Variants in CAPN3 observed in about 807,000 individuals in gnomAD.
The protein encoded by CAPN3 is calpain-3.
CAPN3 carries 88 observed loss-of-function variants against 114.0 expected under a neutral mutation model. That is an observed-to-expected ratio of 0.77 (90% CI 0.65 to 0.92). CAPN3 has a LOEUF of 0.92. Among genes scored for constraint, CAPN3 ranks in the 40% least tolerant of loss-of-function variants. The pLI is 0.00. For synonymous variants in CAPN3, 386 were observed against 382.9 expected, an observed-to-expected ratio of 1.01 and a Z score of -0.09; for missense variants, 1,028 against 1,069.0, an observed-to-expected ratio of 0.96 and a Z score of 0.53.
chr15:42,406,211 A>G (rs145764418), intron 15 of CAPN3, among the ~76,000 whole-genome samples: 2 of 152,338 alleles, frequency 1.3e-5, no homozygotes, highest in Admixed American at 6.5e-5. Context: ...TACTATAACT[A>G]TCCCCATTTT....
chr15:42,394,951 A>G (rs936630238), intron 8 of CAPN3, among the ~76,000 whole-genome samples: 2 of 152,104 alleles, frequency 1.3e-5, no homozygotes, highest in African/African-American at 4.8e-5. Flanking sequence ...GATTACCTCC[A>G]CTGAATGAGA....
chr15:42,368,216 G>T (rs1028602525), intron 1 of CAPN3, among the ~76,000 whole-genome samples: 1 of 152,224 alleles, frequency 6.6e-6, no homozygotes, highest in Admixed American at 6.5e-5. Context: ...CCACATGCCT[G>T]TTCCCAGCTC....
chr15:42,409,754 T>C (rs768943896), intron 17 of CAPN3, 33 bp from the exon 18 acceptor site: 4 of 1,606,702 alleles, frequency 2.5e-6, no homozygotes, highest in Middle Eastern at 1.6e-4. Flanking sequence ...GCTGTACTCC[T>C]GAACCATGAC....
intron 1 of CAPN3, among the ~76,000 whole-genome samples, chr15:42,375,995 C>T (rs1470617987): frequency 6.6e-6 from 1 of 152,148 alleles, no homozygotes. Context: ...TTAAAGAGTA[C>T]TCGTCAGGTA....
chr15:42,409,679 C>G, intron 17 of CAPN3, 108 bp from the exon 18 acceptor site: 4 of 1,042,748 alleles, frequency 3.8e-6, no homozygotes, highest in Non-Finnish European at 6.1e-6. Flanking sequence ...CATAATAGCA[C>G]CGACAGGGAT....
chr15:42,403,592 C>A (rs1566981459), intron 13 of CAPN3, 149 bp from the exon 14 acceptor site: 3 of 770,220 alleles, frequency 3.9e-6, no homozygotes, highest in Non-Finnish European at 4.7e-6. Flanking sequence ...TGACATGGGG[C>A]TGGTTCCTGG....
At chr15:42,360,506 T>C (rs745537236) in intron 1 of CAPN3, among the ~76,000 whole-genome samples, 2 of 152,228 alleles carry the variant, frequency 1.3e-5, no homozygotes, top group East Asian at 3.8e-4. Context: ...TTATTCATCT[T>C]TGTAAGATTA....
rs2141170446 is a variant in CAPN3 at position 42,390,033 on chromosome 15, G to A, written c.882G>A (p.Met294Ile). 1 of 1,614,044 alleles carries A rather than the reference G, an allele frequency of 6.2e-7. No individual in the cohort carries two copies. Among genetic ancestry groups the A allele is most frequent in the Non-Finnish European group, 8.5e-7 (1 of 1,179,958 alleles). Residue 294 changes from methionine to isoleucine, a missense_variant, in exon 6 of 24, where the codon ATG (methionine) becomes ATA (isoleucine). Transcript: ENST00000397163. ...GELIARMVRN[M>I]DNSLLQDSDL... Reference sequence around the variant, plus strand: ...TGATTGCACGGATGGTAAGGAATATGGATAACTCACTGCTCCAGGACTCAG... The same window carrying A: ...TGATTGCACGGATGGTAAGGAATATAGATAACTCACTGCTCCAGGACTCAG...
chr15:42,410,719 G>A (rs1024497277), intron 21 of CAPN3, 53 bp downstream of exon 21: 252 of 1,487,848 alleles, frequency 1.7e-4, no homozygotes, highest in Middle Eastern at 6.8e-4. Context: ...GTGGGAGCAG[G>A]AATGGGAGGG....
chr15:42,362,250 T>TA (rs1342847073), intron 1 of CAPN3, among the ~76,000 whole-genome samples: 6 of 152,130 alleles, frequency 3.9e-5, no homozygotes, highest in East Asian at 1.9e-4. Flanking sequence ...CCTATCTCTA[T>TA]AAAAAAAGTT....
In CAPN3 at chr15:42,405,952, G is replaced by A. The variant is rs917718272; in HGVS notation, c.1800+9G>A. The A allele has an allele frequency of 2.5e-6, 4 of 1,610,888 alleles. No individual in the cohort carries two copies. In the African/African-American group the frequency reaches 5.3e-5, roughly 22 times the overall value. ...AAAAGAAAAAAACCAAGGTAGGTGT[G>A]TGGGTAGAGAGCATGAAGTGTGTGT... On this transcript the variant is annotated intron_variant, in intron 15 of 23. Transcript: ENST00000397163.
chr15:42,402,639 GGAGGCTATTTAA>G (rs1167430801), intron 12 of CAPN3, 143 bp from the exon 13 acceptor site: 4 of 1,534,860 alleles, frequency 2.6e-6, no homozygotes, highest in Non-Finnish European at 3.5e-6. Context: ...AGTGAGGTAG[GGAGGCTATTTAA>G]GCCTTGGGAG....
In CAPN3 at chr15:42,388,931, C is replaced by T. The variant is rs2141167614; in HGVS notation, c.636C>T (p.Leu212=). The change falls in exon 5 of 24, where the codon CTC becomes CTT. Residue 212 remains leucine (L), a synonymous_variant. Coordinates refer to ENST00000397163, the MANE Select transcript of CAPN3 (RefSeq NM_000070.3). ...TGGTCTTCATCCTCTCTCTAAGGCT[C>T]CATGGTTCCTACGAAGCTCTGAAAG... is the stretch of plus-strand genomic sequence containing the variant. ...SALLEKAYAK[L]HGSYEALKGG... is the part of the protein sequence containing the mutation. The T allele has an allele frequency of 1.2e-6, 2 of 1,613,920 alleles. No individual in the cohort carries two copies. Among genetic ancestry groups the T allele is most frequent in the Non-Finnish European group, 1.7e-6 (2 of 1,179,996 alleles).
At chr15:42,401,592 G>A (rs2053870209) in intron 10 of CAPN3, 49 bp from the exon 11 acceptor site, 5 of 1,581,842 alleles carry the variant, frequency 3.2e-6, no homozygotes, top group Non-Finnish European at 3.5e-6. Context: ...TCCCCTTCCT[G>A]CCCTCTGAGA....
At chr15:42,387,216 A>G (rs28364405) in intron 3 of CAPN3, among the ~76,000 whole-genome samples, 2,158 of 152,350 alleles carry the variant, frequency 0.014, 26 homozygotes, top group Non-Finnish European at 0.024. Flanking sequence ...TGATTCATTC[A>G]AAAAAGAGCG....
chr15:42,391,834 T>A (rs1490813861), intron 6 of CAPN3, among the ~76,000 whole-genome samples: 2 of 152,118 alleles, frequency 1.3e-5, no homozygotes, highest in Non-Finnish European at 2.9e-5. Flanking sequence ...AATATTATGT[T>A]CCAGGTGGGT....
intron 15 of CAPN3, among the ~76,000 whole-genome samples, chr15:42,406,304 G>A (rs1384298536): frequency 1.3e-5 from 2 of 152,058 alleles, no homozygotes; most frequent in Non-Finnish European, 2.9e-5. Context: ...TTAGAGCCAG[G>A]CAGTCTGGGT....
In CAPN3 at chr15:42,359,548, C is replaced by A. The variant is rs553879484; in HGVS notation, c.-258C>A. On this transcript the variant is annotated 5_prime_UTR_variant, in exon 1 of 24. Coordinates refer to ENST00000397163, the MANE Select transcript of CAPN3 (RefSeq NM_000070.3). ...GCATGCATGCTGCTGGTAGGAGACC[C>A]CCAAGTCAACATTGCTTCAGAAATC... 2 of 1,351,210 alleles carry A rather than the reference C, an allele frequency of 1.5e-6. No homozygotes were observed. The highest frequency in any genetic ancestry group is 3.3e-5 in the South Asian group (2 of 60,286). The allele number at this position is 1,351,210 out of a possible 1,614,324, so 83.7% of individuals were successfully genotyped here. A position where few individuals can be genotyped will look rare whatever the true frequency, so the allele number is the denominator to read the frequency against.
rs758032407 is a variant in CAPN3 at position 42,409,839 on chromosome 15, A to G, written c.2045A>G (p.Asn682Ser). The G allele has an allele frequency of 7.5e-7, 1 of 1,329,426 alleles. No individual in the cohort carries two copies. Among genetic ancestry groups the G allele is most frequent in the Non-Finnish European group, 1.0e-6 (1 of 972,164 alleles). 82.4% of individuals were successfully genotyped at this position (1,329,426 alleles called of 1,614,324 possible). A position where few individuals can be genotyped will look rare whatever the true frequency, so the allele number is the denominator to read the frequency against. The change falls in exon 18 of 24, where the codon AAC becomes AGC. Residue 682 changes from asparagine (N) to serine (S), a missense_variant. Physicochemically the swap from Asn to Ser is conservative, Grantham distance 46. Coordinates refer to ENST00000397163, the MANE Select transcript of CAPN3 (RefSeq NM_000070.3). ...ELKKVLNTVV[N>S]KHKDLKTHGF... ...AAGAAGGTCCTTAACACAGTCGTGA[A>G]CAAACGTGAGTTGCTCAAACCAAAT...
Sources: gnomAD v4.1 joint callset for allele counts (sites outside exome capture counted in the v4.1 genomes callset) on GRCh38, gnomAD v4.1.1 for gene constraint, MANE v1.5 for transcripts, NCBI Gene and HGNC (gene_info 2026-07-23, HGNC 2026-07-21) for gene names.